RTP2: variants seen among roughly 807,000 people sequenced by gnomAD.
RTP2 encodes receptor-transporting protein 2.
In RTP2, 12 loss-of-function variants were observed where a neutral mutation model predicts 17.9. The ratio of observed to expected loss-of-function variants is 0.67; its 90% CI spans 0.43 to 1.09. The LOEUF (loss-of-function observed/expected upper bound fraction) is 1.09. Ranked by LOEUF, RTP2 falls within the 50% of genes least tolerant of loss-of-function variation. The pLI, the probability that RTP2 is intolerant of heterozygous loss-of-function variation, is 0.00. For missense variants in RTP2, 327 were observed against 295.7 expected (o/e 1.11, Z -0.78); for synonymous variants, 126 against 117.7 (o/e 1.07, Z -0.46).
chr3:187,708,192 C>T, the RTP2 span, among the ~76,000 whole-genome samples: 1 of 152,132 alleles, frequency 6.6e-6, no homozygotes, highest in Admixed American at 6.6e-5. Context: ...CAAATGAACA[C>T]AGACACCCAC....
At chr3:187,699,321 G>A (rs560602944) in intron 1 of RTP2, among the ~76,000 whole-genome samples, 2 of 152,248 alleles carry the variant, frequency 1.3e-5, no homozygotes, top group African/African-American at 2.4e-5. Flanking sequence ...GCACCTGGGC[G>A]CTGTGCAGGG....
At chr3:187,706,605 C>G (rs1384093525), upstream of RTP2, among the ~76,000 whole-genome samples, 2 of 152,076 alleles carry the variant, frequency 1.3e-5, no homozygotes, top group South Asian at 4.1e-4. Flanking sequence ...GTGAATATTT[C>G]TTTTCTTTTT....
chr3:187,715,145 G>A, the RTP2 span, among the ~76,000 whole-genome samples: 2 of 152,054 alleles, frequency 1.3e-5, no homozygotes, highest in African/African-American at 4.8e-5. Flanking sequence ...TGAATCCCTC[G>A]CCATGATTAA....
upstream of RTP2, among the ~76,000 whole-genome samples, chr3:187,704,172 A>G (rs997029480): frequency 6.6e-6 from 1 of 152,222 alleles, no homozygotes; most frequent in Non-Finnish European, 1.5e-5. Context: ...TATAAAATAA[A>G]ATACTGAGCA....
upstream of RTP2, among the ~76,000 whole-genome samples, chr3:187,704,291 A>G (rs1376610754): frequency 6.6e-6 from 1 of 152,266 alleles, no homozygotes; most frequent in Non-Finnish European, 1.5e-5. Flanking sequence ...AATATTTATT[A>G]TTCAATTTTA....
intron 1 of RTP2, among the ~76,000 whole-genome samples, chr3:187,699,250 A>T (rs1717781276): frequency 6.6e-6 from 1 of 152,146 alleles, no homozygotes; most frequent in African/African-American, 2.4e-5. Context: ...GGCATCCAGC[A>T]GTGCTCTAGA....
chr3:187,704,033 C>A (rs1297528001), upstream of RTP2, among the ~76,000 whole-genome samples: 1 of 152,140 alleles, frequency 6.6e-6, no homozygotes, highest in Non-Finnish European at 1.5e-5. Context: ...TATCTTATTC[C>A]AGAACCCACG....
the RTP2 span, among the ~76,000 whole-genome samples, chr3:187,711,700 T>C: frequency 1.6e-4 from 25 of 152,316 alleles, no homozygotes; most frequent in African/African-American, 6.0e-4. Flanking sequence ...TTGATTTTCC[T>C]CTCAGCTCTG....
chr3:187,708,985 G>A, the RTP2 span, among the ~76,000 whole-genome samples: 1 of 97,474 alleles, frequency 1.0e-5, no homozygotes, highest in Non-Finnish European at 2.3e-5. Flanking sequence ...TTTTTTTTCT[G>A]TCTTCCCTGG....
At chr3:187,698,700 T>G in exon 2 of RTP2, 1 of 1,614,086 alleles carries the variant, frequency 6.2e-7, no homozygotes, top group Non-Finnish European at 8.5e-7. Flanking sequence ...GATGCCCTCC[T>G]GGCAGGCCTC....
At chr3:187,702,318 A>T in exon 1 of RTP2, 1 of 613,068 alleles carries the variant, frequency 1.6e-6, no homozygotes, top group Middle Eastern at 4.2e-4. Flanking sequence ...GGGCACCAAG[A>T]GTGAGGGCTG....
At chr3:187,708,818 A>C in the RTP2 span, among the ~76,000 whole-genome samples, 2 of 152,178 alleles carry the variant, frequency 1.3e-5, 1 homozygote, top group East Asian at 3.8e-4. Context: ...ATTTGACATA[A>C]GAGGAAACTG....
exon 2 of RTP2, chr3:187,698,758 G>A: frequency 6.2e-7 from 1 of 1,614,036 alleles, no homozygotes; most frequent in Non-Finnish European, 8.5e-7. Flanking sequence ...CTGGCCACGT[G>A]GATGCGGTAC....
the RTP2 span, among the ~76,000 whole-genome samples, chr3:187,708,957 G>GT: frequency 5.3e-4 from 61 of 114,350 alleles, no homozygotes; most frequent in South Asian, 6.7e-3. Flanking sequence ...CCTAGGCCCA[G>GT]TTTTTTTTTT....
At chr3:187,702,187 A>G in exon 1 of RTP2, 1 of 1,501,626 alleles carries the variant, frequency 6.7e-7, no homozygotes, top group Non-Finnish European at 9.1e-7. Flanking sequence ...CAGAAAGAGC[A>G]CGGATAGGTA....
chr3:187,701,468 G>T (rs1231221839), intron 1 of RTP2, among the ~76,000 whole-genome samples: 3 of 152,206 alleles, frequency 2.0e-5, no homozygotes, highest in Non-Finnish European at 4.4e-5. Context: ...GACTTGCCAA[G>T]TTTACAAGGC....
At chr3:187,710,824 T>A in the RTP2 span, among the ~76,000 whole-genome samples, 1 of 152,146 alleles carries the variant, frequency 6.6e-6, no homozygotes, top group Non-Finnish European at 1.5e-5. Flanking sequence ...TCTGGCGATG[T>A]CAAGGGTCCA....
At chr3:187,701,123 A>G (rs1717834339) in intron 1 of RTP2, among the ~76,000 whole-genome samples, 1 of 152,214 alleles carries the variant, frequency 6.6e-6, no homozygotes, top group Non-Finnish European at 1.5e-5. Flanking sequence ...GACACAGGAA[A>G]AAGGCCTGCA....
exon 2 of RTP2, chr3:187,698,472 C>T (rs370705988): frequency 3.2e-6 from 5 of 1,569,678 alleles, no homozygotes; most frequent in South Asian, 1.2e-5. Flanking sequence ...AGCCCATGTG[C>T]CCTCTCCCAC....
Sources: allele counts gnomAD v4.1 joint callset (sites outside exome capture counted in the v4.1 genomes callset), GRCh38; gene constraint gnomAD v4.1.1; transcripts MANE v1.5; gene names NCBI Gene and HGNC (gene_info 2026-07-23, HGNC 2026-07-21).